The following IGF2BP2 variants were observed in gnomAD, a reference collection of about 807,000 sequenced individuals.
IGF2BP2 encodes the protein insulin-like growth factor 2 mRNA-binding protein 2.
In IGF2BP2, 17 loss-of-function variants were observed where a neutral mutation model predicts 75.8. The ratio of observed to expected loss-of-function variants is 0.22; its 90% CI spans 0.15 to 0.34. The LOEUF (loss-of-function observed/expected upper bound fraction) is 0.34. IGF2BP2 is among the 10% of genes least tolerant of loss of function. IGF2BP2 has a pLI of 1.00. For missense variants in IGF2BP2, 516 were observed against 772.4 expected, an observed-to-expected ratio of 0.67 and a Z score of 3.93; for synonymous variants, 288 against 295.6, an observed-to-expected ratio of 0.97 and a Z score of 0.26.
intron 2 of IGF2BP2, among the ~76,000 whole-genome samples, chr3:185,766,138 G>C (rs1733016861): frequency 6.6e-6 from 1 of 152,062 alleles, no homozygotes; most frequent in African/African-American, 2.4e-5. Flanking sequence ...TAAAGCCCAA[G>C]GTGCTATACA....
Position 185,696,416 on chromosome 3 carries a change from T to C in IGF2BP2, c.340+196A>G, listed in dbSNP as rs553918257. 3 of 578,130 alleles carry C rather than the reference T, an allele frequency of 5.2e-6. No homozygotes were observed. The African/African-American group carries it at 5.6e-5, about 11-fold the overall frequency. The allele number at this position is 578,130 out of a possible 1,614,324, so 35.8% of individuals were successfully genotyped here. A position where few individuals can be genotyped will look rare whatever the true frequency, so the allele number is the denominator to read the frequency against. On this transcript the variant is annotated intron_variant, in intron 4 of 15. Coordinates refer to ENST00000382199, the MANE Select transcript of IGF2BP2 (RefSeq NM_006548.6). ...ATATTCCTCGAAAAGGCAAACTACA[T>C]AGACATACATAGAAAGAGACAGATA... is the stretch of plus-strand genomic sequence containing the variant.
chr3:185,678,337 C>A (rs1231675423), intron 7 of IGF2BP2, among the ~76,000 whole-genome samples: 1 of 152,142 alleles, frequency 6.6e-6, no homozygotes, highest in East Asian at 1.9e-4. Flanking sequence ...ACCAAGGACA[C>A]CATGTGTGGT....
At chr3:185,682,600 A>C (rs1720549090) in intron 7 of IGF2BP2, among the ~76,000 whole-genome samples, 1 of 152,254 alleles carries the variant, frequency 6.6e-6, no homozygotes, top group Non-Finnish European at 1.5e-5. Context: ...AGAATCAAAT[A>C]TCTCAATTAG....
intron 2 of IGF2BP2, among the ~76,000 whole-genome samples, chr3:185,763,312 T>C (rs1452053249): frequency 1.3e-5 from 2 of 152,194 alleles, no homozygotes; most frequent in African/African-American, 4.8e-5. Flanking sequence ...CTGAATCTCC[T>C]CCATGTACTG....
intron 2 of IGF2BP2, among the ~76,000 whole-genome samples, chr3:185,801,175 G>A (rs1392192519): frequency 6.6e-6 from 1 of 152,164 alleles, no homozygotes; most frequent in African/African-American, 2.4e-5. Flanking sequence ...TATCAAGGCA[G>A]TTAGAATAGC....
chr3:185,803,233 A>G (rs2149956157), intron 2 of IGF2BP2, among the ~76,000 whole-genome samples: 1 of 152,206 alleles, frequency 6.6e-6, no homozygotes, highest in East Asian at 1.9e-4. Context: ...TGCCTGTAAT[A>G]CCAGCTACTT....
chr3:185,811,340 C>T (rs1739794848), intron 2 of IGF2BP2, among the ~76,000 whole-genome samples: 1 of 152,116 alleles, frequency 6.6e-6, no homozygotes, highest in South Asian at 2.1e-4. Flanking sequence ...CATAGACAAG[C>T]CTATGTGTAA....
intron 2 of IGF2BP2, among the ~76,000 whole-genome samples, chr3:185,811,852 C>G (rs1214034189): frequency 8.1e-6 from 1 of 123,868 alleles, no homozygotes; most frequent in Non-Finnish European, 1.6e-5. Flanking sequence ...CTCTCTCTCT[C>G]TCTCTCTCTC....
chr3:185,747,975 C>T (rs2053768), intron 2 of IGF2BP2, among the ~76,000 whole-genome samples: 40,514 of 151,856 alleles, frequency 0.27, 6,032 homozygotes, highest in African/African-American at 0.41. Context: ...CCTGCCTCAG[C>T]CTCCCGAGTA....
intron 10 of IGF2BP2, among the ~76,000 whole-genome samples, chr3:185,669,759 T>C (rs1042947457): frequency 6.6e-6 from 1 of 152,168 alleles, no homozygotes; most frequent in Non-Finnish European, 1.5e-5. Flanking sequence ...CTTAGTTCCT[T>C]GAAATTTGAA....
chr3:185,811,041 C>G (rs957715848), intron 2 of IGF2BP2, among the ~76,000 whole-genome samples: 1 of 151,910 alleles, frequency 6.6e-6, no homozygotes, highest in African/African-American at 2.4e-5. Context: ...ACTTATAGGA[C>G]AGTCACATAT....
intron 2 of IGF2BP2, among the ~76,000 whole-genome samples, chr3:185,802,458 C>G (rs1378468118): frequency 6.6e-6 from 1 of 152,202 alleles, no homozygotes. Flanking sequence ...AATGCAGGGA[C>G]AGAGGGTTGG....
chr3:185,657,554 C>T (rs551405805), intron 11 of IGF2BP2, 152 bp from the exon 12 acceptor site: 88 of 587,664 alleles, frequency 1.5e-4, no homozygotes, highest in Admixed American at 3.2e-4. Context: ...GATCCTTCTG[C>T]GGCCTGCGGC....
At chr3:185,732,749 C>T (rs1485945367) in intron 2 of IGF2BP2, among the ~76,000 whole-genome samples, 1 of 152,232 alleles carries the variant, frequency 6.6e-6, no homozygotes, top group Non-Finnish European at 1.5e-5. Flanking sequence ...TGAACTGCTA[C>T]ATGACCAAGG....
intron 2 of IGF2BP2, among the ~76,000 whole-genome samples, chr3:185,712,940 C>T (rs997545747): frequency 1.3e-5 from 2 of 152,190 alleles, no homozygotes; most frequent in Non-Finnish European, 2.9e-5. Flanking sequence ...GGAAGCTTTA[C>T]GCTTACACTT....
chr3:185,771,213 G>A (rs190769644), intron 2 of IGF2BP2, among the ~76,000 whole-genome samples: 73 of 152,272 alleles, frequency 4.8e-4, no homozygotes, highest in Non-Finnish European at 7.4e-4. Flanking sequence ...GGCGAGTTGG[G>A]CCGATCACTT....
rs1724505422 is a variant in IGF2BP2 at position 185,709,507 on chromosome 3, A to C, written c.240-11160T>G. 2.0e-5 allele frequency among the ~76,000 whole-genome samples: 3 copies of C among 152,248 alleles called. No individual in the cohort carries two copies. The South Asian group carries it at 6.2e-4, about 31-fold the overall frequency. ...TCGACTGTAAGAGGAACACGTGCTT[A>C]CTAAAGACACTGGTCTTCAAACAAG... is the stretch of plus-strand genomic sequence containing the variant. On this transcript the variant is annotated intron_variant, in intron 2 of 15. Transcript: ENST00000382199.
At chr3:185,674,779 A>C (rs1236173245) in intron 9 of IGF2BP2, among the ~76,000 whole-genome samples, 1 of 152,172 alleles carries the variant, frequency 6.6e-6, no homozygotes, top group African/African-American at 2.4e-5. Context: ...CCTTCCAGTC[A>C]TTCTGATCCA....
intron 12 of IGF2BP2, among the ~76,000 whole-genome samples, chr3:185,656,119 G>C (rs1242016731): frequency 6.6e-6 from 1 of 152,250 alleles, no homozygotes; most frequent in Non-Finnish European, 1.5e-5. Context: ...CGGCATCTCA[G>C]ACTGCAGGAC....
Sources: allele counts gnomAD v4.1 joint callset (sites outside exome capture counted in the v4.1 genomes callset), GRCh38; gene constraint gnomAD v4.1.1; transcripts MANE v1.5; gene names NCBI Gene and HGNC (gene_info 2026-07-23, HGNC 2026-07-21).